GALNT8: variants seen among roughly 807,000 people sequenced by gnomAD.
The protein encoded by GALNT8 is probable polypeptide N-acetylgalactosaminyltransferase 8.
GALNT8 carries 66 observed loss-of-function variants against 62.7 expected under a neutral mutation model. The observed-to-expected ratio is 1.05, with a 90% CI of 0.86 to 1.29. The LOEUF (loss-of-function observed/expected upper bound fraction) is 1.29. Among genes scored for constraint, GALNT8 ranks in the 50% most tolerant of loss-of-function variants. The pLI is 0.00. For missense variants in GALNT8, 771 were observed against 791.8 expected, an observed-to-expected ratio of 0.97 and a Z score of 0.32; for synonymous variants, 288 against 294.3, an observed-to-expected ratio of 0.98 and a Z score of 0.22.
At chr12:4,752,651 T>C (rs1029054975) in intron 6 of GALNT8, among the ~76,000 whole-genome samples, 1 of 152,148 alleles carries the variant, frequency 6.6e-6, no homozygotes, top group African/African-American at 2.4e-5. Flanking sequence ...TTTGTAGTTA[T>C]TATTGTTGAT....
At chr12:4,754,678 G>A (rs1220146778) in intron 6 of GALNT8, among the ~76,000 whole-genome samples, 2 of 151,846 alleles carry the variant, frequency 1.3e-5, no homozygotes, top group African/African-American at 4.8e-5. Context: ...GAGACTGCTT[G>A]GTGCTCTACC....
chr12:4,733,280 G>A (rs1446282400), intron 2 of GALNT8, among the ~76,000 whole-genome samples: 2 of 152,192 alleles, frequency 1.3e-5, no homozygotes, highest in African/African-American at 4.8e-5. Context: ...AATTCTACTG[G>A]ACAGTGCTGG....
At chr12:4,754,616 C>A in intron 6 of GALNT8, among the ~76,000 whole-genome samples, 1 of 151,706 alleles carries the variant, frequency 6.6e-6, no homozygotes, top group African/African-American at 2.4e-5. Context: ...TGGCCCAGAG[C>A]AGGTCCAGAA....
At chr12:4,737,009 A>T (rs530082176) in intron 2 of GALNT8, among the ~76,000 whole-genome samples, 1,841 of 152,314 alleles carry the variant, frequency 0.012, 39 homozygotes, top group African/African-American at 0.042. Flanking sequence ...AGAAACTATC[A>T]ATAAAGACTT....
intron 6 of GALNT8, among the ~76,000 whole-genome samples, chr12:4,758,920 T>C (rs1237363670): frequency 6.6e-6 from 1 of 151,840 alleles, no homozygotes; most frequent in East Asian, 1.9e-4. Flanking sequence ...GAATTACAGG[T>C]GTGCACCACC....
At chr12:4,768,542 T>G in intron 10 of GALNT8, 1 of 297,124 alleles carries the variant, frequency 3.4e-6, no homozygotes, top group South Asian at 3.2e-5. Flanking sequence ...CTGAGGCTAC[T>G]GACAGAAAAG....
At chr12:4,727,704 A>T (rs1303369289) in intron 2 of GALNT8, among the ~76,000 whole-genome samples, 1 of 152,118 alleles carries the variant, frequency 6.6e-6, no homozygotes, top group East Asian at 1.9e-4. Flanking sequence ...GTTCCTTTTT[A>T]TTGTTAAATA....
At chr12:4,764,718 T>C (rs1190459317) in intron 9 of GALNT8, among the ~76,000 whole-genome samples, 1 of 147,904 alleles carries the variant, frequency 6.8e-6, no homozygotes, top group Non-Finnish European at 1.5e-5. Context: ...TAATTTTTTG[T>C]ATTTTTTTTT....
intron 6 of GALNT8, among the ~76,000 whole-genome samples, chr12:4,750,164 T>A (rs1467683873): frequency 6.6e-6 from 1 of 152,158 alleles, no homozygotes; most frequent in Non-Finnish European, 1.5e-5. Flanking sequence ...TCTACTCTGA[T>A]CTTTATTATT....
chr12:4,723,399 G>A (rs1329470343), intron 1 of GALNT8, among the ~76,000 whole-genome samples: 1 of 152,118 alleles, frequency 6.6e-6, no homozygotes, highest in African/African-American at 2.4e-5. Flanking sequence ...TGTACCTAGG[G>A]TGGTGACCCC....
intron 4 of GALNT8, 32 bp downstream of exon 4, chr12:4,744,732 A>G (rs17783505): frequency 0.047 from 69,395 of 1,477,486 alleles, 2,492 homozygotes; most frequent in East Asian, 0.18. Flanking sequence ...TCTTCTGGAA[A>G]GGGCAGAGAG....
Position 4,745,726 on chromosome 12 carries a change from G to A in GALNT8, c.1058+100G>A, listed in dbSNP as rs185871714. The A allele has an allele frequency of 4.5e-5, 38 of 851,112 alleles. No individual in the cohort carries two copies. In the African/African-American group the frequency reaches 4.6e-4, roughly 10 times the overall value. 52.7% of individuals were successfully genotyped at this position (851,112 alleles called of 1,614,324 possible). ...CTTTGGTGGTAGTAATTGGGGTGAC[G>A]TGGAAGGAGGGGAGGGGATGAGGTG... On this transcript the variant is annotated intron_variant, in intron 5 of 10. Transcript: ENST00000252318.
chr12:4,769,332 A>G (rs1302987620), intron 10 of GALNT8, among the ~76,000 whole-genome samples: 2 of 152,224 alleles, frequency 1.3e-5, no homozygotes, highest in Admixed American at 1.3e-4. Flanking sequence ...GCCCACGTGT[A>G]GGAAAACCAG....
chr12:4,724,148 CAAAAAA>C (rs11456593), intron 1 of GALNT8, among the ~76,000 whole-genome samples: 46 of 48,108 alleles, frequency 9.6e-4, no homozygotes, highest in African/African-American at 3.5e-3. Context: ...GACTCCGTCT[CAAAAAA>C]AAAAAAAAAA....
chr12:4,750,601 T>C (rs764394215), intron 6 of GALNT8, among the ~76,000 whole-genome samples: 1 of 152,176 alleles, frequency 6.6e-6, no homozygotes, highest in African/African-American at 2.4e-5. Context: ...TTGATGGGCA[T>C]TTAGGTTGAT....
Position 4,769,410 on chromosome 12 carries a change from T to A in GALNT8, c.1762-3035T>A, listed in dbSNP as rs10774267. On this transcript the variant is annotated intron_variant, in intron 10 of 10. Coordinates refer to ENST00000252318, the MANE Select transcript of GALNT8 (RefSeq NM_017417.2). ...ACTGATTCTTTTTTAGGACAATATC[T>A]TTACTTAAAGAATAGTACAGAACAT... Among the ~76,000 whole-genome samples the A allele has an allele frequency of 3.3e-5, 5 of 152,030 alleles. No homozygotes were observed. The South Asian group carries it at 6.2e-4, about 19-fold the overall frequency.
rs192970564 is a variant in GALNT8 at position 4,759,913 on chromosome 12, A to G, written c.1174-1045A>G. 2.2e-3 allele frequency among the ~76,000 whole-genome samples: 341 copies of G among 152,340 alleles called. 3 individuals carry two copies. The highest frequency in any genetic ancestry group is 2.4e-3 in the Non-Finnish European group (161 of 68,034). On this transcript the variant is annotated intron_variant, in intron 6 of 10. Transcript: ENST00000252318. ...ATGAACATAATATTTTCTAAGCTCA[A>G]TATTAGAATGTGTGTTTTGATTAGT...
At chr12:4,723,209 G>A (rs890430094) in intron 1 of GALNT8, among the ~76,000 whole-genome samples, 1 of 152,168 alleles carries the variant, frequency 6.6e-6, no homozygotes, top group African/African-American at 2.4e-5. Flanking sequence ...ATGAGTGGGT[G>A]TGTCTAGGAA....
intron 1 of GALNT8, among the ~76,000 whole-genome samples, chr12:4,724,269 A>G (rs918335539): frequency 6.6e-6 from 1 of 152,170 alleles, no homozygotes; most frequent in African/African-American, 2.4e-5. Context: ...GGAGGGATCA[A>G]TGACTCTAAG....
Sources: gnomAD v4.1 joint callset for allele counts (sites outside exome capture counted in the v4.1 genomes callset) on GRCh38, gnomAD v4.1.1 for gene constraint, MANE v1.5 for transcripts, NCBI Gene and HGNC (gene_info 2026-07-23, HGNC 2026-07-21) for gene names.